IGBP1: variants seen among roughly 807,000 people sequenced by gnomAD.
IGBP1 encodes immunoglobulin binding protein 1.
In IGBP1, 2 loss-of-function variants were observed where a neutral mutation model predicts 25.9. That is an observed-to-expected ratio of 0.08 (90% confidence interval 0.03 to 0.24). The LOEUF is 0.24. Ranked by LOEUF, IGBP1 falls within the 10% of genes least tolerant of loss-of-function variation. IGBP1 has a pLI of 1.00. For synonymous variants in IGBP1, 96 were observed against 93.4 expected, an observed-to-expected ratio of 1.03 and a Z score of -0.16; for missense variants, 187 against 260.4, an observed-to-expected ratio of 0.72 and a Z score of 1.94.
intron 6 of IGBP1, among the ~76,000 whole-genome samples, chrX:70,160,169 T>C (rs1219189489): frequency 9.0e-6 from 1 of 111,426 alleles, no homozygotes; most frequent in Admixed American, 9.5e-5. Flanking sequence ...GCACAACTGC[T>C]GCCCGGCACC....
At chrX:70,150,077 T>C in intron 5 of IGBP1, 133 bp from the exon 6 acceptor site, 1 of 519,580 alleles carries the variant, frequency 1.9e-6, no homozygotes, top group South Asian at 2.5e-5. Flanking sequence ...TCCTCAGAAG[T>C]TGACTGGGTA....
intron 3 of IGBP1, among the ~76,000 whole-genome samples, chrX:70,142,777 C>T (rs2085138721): frequency 1.8e-5 from 2 of 110,346 alleles, no homozygotes; most frequent in African/African-American, 6.6e-5. Context: ...TGTCATCACA[C>T]CACTGCACTC....
In IGBP1 at chrX:70,134,533, G is replaced by A; in HGVS notation, c.199G>A (p.Asp67Asn). 1 of 1,210,852 alleles carries A rather than the reference G, an allele frequency of 8.3e-7. No homozygotes were observed. Among genetic ancestry groups the A allele is most frequent in the Non-Finnish European group, 1.1e-6 (1 of 895,191 alleles). ...TTTTTGCTCTTCCAGCCGAAATGAA[G>A]ATTTGGAAGAGATTGCTTCCACCGA... Reference protein sequence around the residue: ...SQLDLFSRNEDLEEIASTDLK... With the variant: ...SQLDLFSRNENLEEIASTDLK... The change falls in exon 3 of 7, where the codon GAT becomes AAT. Residue 67 changes from aspartate (D) to asparagine (N), a missense_variant. Asp to Asn is a conservative substitution (Grantham distance 23). Coordinates refer to ENST00000356413, the MANE Select transcript of IGBP1 (RefSeq NM_001551.3).
intron 6 of IGBP1, among the ~76,000 whole-genome samples, chrX:70,150,982 C>T (rs749573668): frequency 6.7e-5 from 7 of 105,014 alleles, no homozygotes; most frequent in South Asian, 8.4e-4. Flanking sequence ...TTTTTTGAGA[C>T]GAAGTCTCGC....
intron 3 of IGBP1, among the ~76,000 whole-genome samples, chrX:70,142,270 G>C (rs1461911310): frequency 9.0e-6 from 1 of 111,652 alleles, no homozygotes; most frequent in African/African-American, 3.3e-5. Context: ...GGTTGAGGCT[G>C]CAGTGAGCTG....
At position 70,134,554 on chromosome X, in the gene IGBP1, A is replaced by G. The variant is rs770830578; in HGVS notation, c.220A>G (p.Thr74Ala). The G allele has an allele frequency of 1.7e-6, 2 of 1,211,427 alleles. No individual in the cohort carries two copies. Among genetic ancestry groups the G allele is most frequent in the Non-Finnish European group, 1.1e-6 (1 of 895,383 alleles). Reference protein sequence around the residue: ...RNEDLEEIASTDLKYLLVPAF... With the variant: ...RNEDLEEIASADLKYLLVPAF... The stretch of plus-strand genomic sequence containing the variant: ...TGAAGATTTGGAAGAGATTGCTTCC[A>G]CCGACCTGAAGTACCTTTTGGTGCC... The change falls in exon 3 of 7, where the codon ACC becomes GCC. Residue 74 changes from threonine to alanine, a missense_variant. By Grantham distance (58) the Thr-to-Ala change is moderately conservative. Coordinates refer to ENST00000356413, the MANE Select transcript of IGBP1 (RefSeq NM_001551.3).
intron 3 of IGBP1, among the ~76,000 whole-genome samples, chrX:70,142,929 T>TG (rs2085140347): frequency 1.0e-5 from 1 of 99,103 alleles, no homozygotes; most frequent in Non-Finnish European, 2.1e-5. Context: ...TTTTTTTTTT[T>TG]TTTTTTTTTG....
chrX:70,136,812 C>T (rs953337014), intron 3 of IGBP1, among the ~76,000 whole-genome samples: 3 of 109,545 alleles, frequency 2.7e-5, no homozygotes, highest in Non-Finnish European at 3.8e-5. Flanking sequence ...TGGGTTCAAG[C>T]AATTCTGCCT....
intron 6 of IGBP1, among the ~76,000 whole-genome samples, 175 bp downstream of exon 6, chrX:70,150,497 G>C (rs1282071063): frequency 9.0e-6 from 1 of 111,561 alleles, no homozygotes; most frequent in Non-Finnish European, 1.9e-5. Context: ...ATGGTTATGG[G>C]AGGATGGGGT....
Position 70,133,843 on chromosome X carries a change from C to T in IGBP1, c.-105C>T. ...TTTGTTAACAGTGAAGCTACTGGACCAATGAGGTGCTTCTTCCGGTTTTGT... is the reference window on the plus strand; with the variant it reads ...TTTGTTAACAGTGAAGCTACTGGACTAATGAGGTGCTTCTTCCGGTTTTGT... On this transcript the variant is annotated 5_prime_UTR_variant, in exon 2 of 7. The change creates a premature stop within an existing upstream ORF in the 5' untranslated region. Coordinates refer to ENST00000356413, the MANE Select transcript of IGBP1 (RefSeq NM_001551.3). The T allele has an allele frequency of 1.5e-6, 1 of 687,581 alleles. No individual in the cohort carries two copies. The highest frequency in any genetic ancestry group is 2.3e-6 in the Non-Finnish European group (1 of 442,580). 56.7% of individuals were successfully genotyped at this position (687,581 alleles called of 1,213,427 possible). A position where few individuals can be genotyped will look rare whatever the true frequency, so the allele number is the denominator to read the frequency against.
At chrX:70,156,299 A>T (rs765860766) in intron 6 of IGBP1, among the ~76,000 whole-genome samples, 1 of 109,516 alleles carries the variant, frequency 9.1e-6, no homozygotes, top group Admixed American at 9.8e-5. Context: ...AAAAAAAAAA[A>T]AAAAAAAAAA....
rs767471302 is a variant in IGBP1 at position 70,149,260 on chromosome X, T to TA, written c.758+421dup. On this transcript the variant is annotated intron_variant, in intron 5 of 6. Transcript: ENST00000356413. ...AAAAAAAAAAAGTCATGATCTCACT[T>TA]ACGGAAGTTGTTCTTTTATCTAAGG... Among the ~76,000 whole-genome samples, 130 of 109,009 alleles carry TA rather than the reference T, an allele frequency of 1.2e-3. 5 individuals are homozygous for TA. In the East Asian group the frequency reaches 0.019, roughly 16 times the overall value. 94.7% of individuals were successfully genotyped at this position (109,009 alleles called of 115,157 possible). A position where few individuals can be genotyped will look rare whatever the true frequency, so the allele number is the denominator to read the frequency against.
chrX:70,150,733 A>T (rs138774185), intron 6 of IGBP1, among the ~76,000 whole-genome samples: 1,356 of 112,164 alleles, frequency 0.012, 16 homozygotes, highest in African/African-American at 0.042. Flanking sequence ...TGTAAGCTGA[A>T]GGGCAGTCAA....
chrX:70,143,045 T>C (rs767351442), intron 3 of IGBP1, among the ~76,000 whole-genome samples: 3 of 103,567 alleles, frequency 2.9e-5, no homozygotes, highest in South Asian at 9.8e-4. Context: ...TGCCTCAGCC[T>C]CCGAGTAGCT....
intron 6 of IGBP1, among the ~76,000 whole-genome samples, chrX:70,164,293 A>G (rs1370824099): frequency 8.9e-6 from 1 of 111,780 alleles, no homozygotes; most frequent in East Asian, 2.8e-4. Context: ...GCCGCAAAAG[A>G]TCACAGATTA....
At chrX:70,152,251 G>A (rs2085207924) in intron 6 of IGBP1, among the ~76,000 whole-genome samples, 1 of 111,482 alleles carries the variant, frequency 9.0e-6, no homozygotes, top group African/African-American at 3.3e-5. Context: ...TGCACAGAAT[G>A]GACTCTTAAG....
rs376848163 is a variant in IGBP1 at position 70,148,673 on chromosome X, G to A, written c.679-88G>A. ...AAAGTGAGTGAATTTTGAATCCAGAGCTTTTCAAGCACCTGAAGACTTAAG... is the reference window on the plus strand; with the variant it reads ...AAAGTGAGTGAATTTTGAATCCAGAACTTTTCAAGCACCTGAAGACTTAAG... On this transcript the variant is annotated intron_variant, in intron 4 of 6. Transcript: ENST00000356413. 3.2e-3 allele frequency: 1,988 copies of A among 612,987 alleles called. 28 individuals carry two copies. In the South Asian group the frequency reaches 0.045, roughly 14 times the overall value. The allele number at this position is 612,987 out of a possible 1,213,427, so 50.5% of individuals were successfully genotyped here. A position where few individuals can be genotyped will look rare whatever the true frequency, so the allele number is the denominator to read the frequency against.
At chrX:70,140,256 A>G (rs893448452) in intron 3 of IGBP1, among the ~76,000 whole-genome samples, 2 of 111,959 alleles carry the variant, frequency 1.8e-5, no homozygotes, top group African/African-American at 3.2e-5. Flanking sequence ...AGCTTGGCAT[A>G]TAGAAGTTCC....
intron 6 of IGBP1, among the ~76,000 whole-genome samples, chrX:70,150,916 G>A (rs1164826146): frequency 2.7e-5 from 3 of 110,974 alleles, no homozygotes; most frequent in Admixed American, 1.9e-4. Flanking sequence ...GGGTATAACC[G>A]AAAAAGTATG....
Sources: gnomAD v4.1 joint callset for allele counts (sites outside exome capture counted in the v4.1 genomes callset) on GRCh38, gnomAD v4.1.1 for gene constraint, MANE v1.5 for transcripts, NCBI Gene and HGNC (gene_info 2026-07-23, HGNC 2026-07-21) for gene names.